KIZ: variants seen among roughly 807,000 people sequenced by gnomAD.
KIZ encodes kizuna centrosomal protein, also known as centrosomal protein kizuna.
Under a neutral mutation model 79.6 loss-of-function variants are expected in KIZ, and 68 were observed. That is an observed-to-expected ratio of 0.85 (90% CI 0.70 to 1.05). KIZ has a LOEUF of 1.05. Ranked by LOEUF, KIZ falls within the 50% of genes least tolerant of loss-of-function variation. The pLI, the probability that KIZ is intolerant of heterozygous loss-of-function variation, is 0.00. For synonymous variants in KIZ, 280 were observed against 281.8 expected (o/e 0.99, Z 0.06); for missense variants, 797 against 800.4 (o/e 1.00, Z 0.05).
At chr20:21,166,017 A>G (rs976520386) in intron 6 of KIZ, among the ~76,000 whole-genome samples, 3 of 152,074 alleles carry the variant, frequency 2.0e-5, no homozygotes, top group African/African-American at 7.2e-5. Context: ...CCCAGGCTGG[A>G]GTGCAATGGC....
chr20:21,135,325 C>T (rs936209716), intron 2 of KIZ, among the ~76,000 whole-genome samples: 3 of 152,098 alleles, frequency 2.0e-5, no homozygotes, highest in Non-Finnish European at 2.9e-5. Flanking sequence ...TGAGTGTGAA[C>T]GACAGTATGT....
intron 6 of KIZ, among the ~76,000 whole-genome samples, chr20:21,178,011 G>A (rs1479203323): frequency 2.0e-5 from 3 of 152,052 alleles, no homozygotes; most frequent in Non-Finnish European, 4.4e-5. Context: ...ATCAGGACGT[G>A]TGATGCCTCC....
intron 10 of KIZ, among the ~76,000 whole-genome samples, chr20:21,229,510 T>C (rs1473130786): frequency 6.6e-6 from 1 of 152,252 alleles, no homozygotes; most frequent in Non-Finnish European, 1.5e-5. Flanking sequence ...GATTTTGAGT[T>C]CTTTTACTGA....
At chr20:21,125,980 C>A (rs1280872215), upstream of KIZ, 5 of 1,273,878 alleles carry the variant, frequency 3.9e-6, no homozygotes, top group African/African-American at 3.1e-5. Flanking sequence ...GCCCCGCCCC[C>A]ACGGCGTCTT....
intron 9 of KIZ, among the ~76,000 whole-genome samples, chr20:21,218,871 A>G (rs1368802838): frequency 6.6e-6 from 1 of 152,208 alleles, no homozygotes; most frequent in Non-Finnish European, 1.5e-5. Flanking sequence ...AACTACACCC[A>G]GATGTTATGA....
At chr20:21,239,972 A>G (rs2037160501) in intron 11 of KIZ, among the ~76,000 whole-genome samples, 1 of 152,208 alleles carries the variant, frequency 6.6e-6, no homozygotes, top group South Asian at 2.1e-4. Context: ...GAGAGATGTG[A>G]TGAAGTCAGT....
chr20:21,236,410 T>C (rs527578597), intron 11 of KIZ, among the ~76,000 whole-genome samples: 68 of 152,380 alleles, frequency 4.5e-4, no homozygotes, highest in African/African-American at 1.6e-3. Flanking sequence ...TTAGAAATTG[T>C]AATACTGATT....
At chr20:21,184,098 G>T (rs1013778860) in intron 6 of KIZ, among the ~76,000 whole-genome samples, 2 of 151,786 alleles carry the variant, frequency 1.3e-5, no homozygotes, top group African/African-American at 4.8e-5. Flanking sequence ...TCTGTTAATG[G>T]TTGCCAGGTG....
intron 11 of KIZ, among the ~76,000 whole-genome samples, chr20:21,243,812 C>T (rs1213671112): frequency 6.6e-6 from 1 of 152,190 alleles, no homozygotes; most frequent in Non-Finnish European, 1.5e-5. Context: ...TTTTAACTTC[C>T]TTACCAACAT....
chr20:21,204,216 C>T (rs1004270405), intron 6 of KIZ, among the ~76,000 whole-genome samples: 4 of 145,370 alleles, frequency 2.8e-5, no homozygotes, highest in African/African-American at 1.0e-4. Flanking sequence ...CCCAGGTTCA[C>T]GCCATTCTCC....
intron 2 of KIZ, among the ~76,000 whole-genome samples, chr20:21,135,703 G>A (rs2032147629): frequency 6.6e-6 from 1 of 152,226 alleles, no homozygotes; most frequent in South Asian, 2.1e-4. Context: ...TTGGTGCCAT[G>A]AGAAAAGTCG....
intron 11 of KIZ, among the ~76,000 whole-genome samples, chr20:21,241,185 T>C (rs574868807): frequency 2.5e-4 from 38 of 152,334 alleles, no homozygotes; most frequent in African/African-American, 8.2e-4. Context: ...CAGCACACAA[T>C]AGAAAGTTCT....
chr20:21,223,281 GT>G (rs1330066680), intron 9 of KIZ, among the ~76,000 whole-genome samples: 1 of 152,208 alleles, frequency 6.6e-6, no homozygotes. Context: ...TTTTGGGAAT[GT>G]TGGTTAAAGG....
In KIZ at chr20:21,163,147, C is replaced by G; in HGVS notation, c.1340C>G (p.Ala447Gly). The G allele has an allele frequency of 6.2e-7, 1 of 1,607,934 alleles. No individual in the cohort carries two copies. The highest frequency in any genetic ancestry group is 8.5e-7 in the Non-Finnish European group (1 of 1,177,222). ...PDSEKESSTN[A>G]PTREPGQTPD... is the part of the protein sequence containing the mutation. Reference sequence around the variant, plus strand: ...TCAGAAAAGGAATCCTCCACTAACGCACCAACAAGAGAGTAAGCCATTCAA... The same window carrying G: ...TCAGAAAAGGAATCCTCCACTAACGGACCAACAAGAGAGTAAGCCATTCAA... Residue 447 changes from alanine to glycine, a missense_variant, in exon 6 of 13, where the codon GCA (alanine) becomes GGA (glycine). Ala to Gly is a moderately conservative substitution (Grantham distance 60, BLOSUM62 0). Coordinates refer to ENST00000619189, the MANE Select transcript of KIZ (RefSeq NM_018474.6).
At chr20:21,129,800 G>A (rs1205054614) in intron 1 of KIZ, among the ~76,000 whole-genome samples, 3 of 151,772 alleles carry the variant, frequency 2.0e-5, no homozygotes, top group Non-Finnish European at 2.9e-5. Flanking sequence ...AAAAAGTTGC[G>A]AATATAGGAC....
At chr20:21,173,033 A>G (rs1318327954) in intron 6 of KIZ, among the ~76,000 whole-genome samples, 1 of 152,182 alleles carries the variant, frequency 6.6e-6, no homozygotes, top group African/African-American at 2.4e-5. Flanking sequence ...AGCTGGAGTG[A>G]GAGAGTATCA....
intron 6 of KIZ, among the ~76,000 whole-genome samples, chr20:21,183,398 G>C (rs1009573302): frequency 1.3e-5 from 2 of 152,192 alleles, no homozygotes; most frequent in Non-Finnish European, 2.9e-5. Flanking sequence ...TCATATCTCA[G>C]TAGAGCAGTT....
Position 21,238,350 on chromosome 20 carries a change from A to AGTGTGTGTGT in KIZ, c.1880+5521_1880+5522insTGTGTGTGTG, listed in dbSNP as rs1423366763. 9.0e-3 allele frequency among the ~76,000 whole-genome samples: 713 copies of AGTGTGTGTGT among 79,392 alleles called. 9 individuals are homozygous for AGTGTGTGTGT. Among genetic ancestry groups the AGTGTGTGTGT allele is most frequent in the African/African-American group, 0.023 (691 of 29,780 alleles). The allele number at this position is 79,392 out of a possible 152,430, so 52.1% of individuals were successfully genotyped here. On this transcript the variant is annotated intron_variant, in intron 11 of 12. Transcript: ENST00000619189. ...ATAAGGGTGTGAGAGAGAGAGAGAG[A>AGTGTGTGTGT]GAGTGTGTGTGTGTGTGAGAGGGTG...
intron 6 of KIZ, among the ~76,000 whole-genome samples, chr20:21,202,028 CAATT>C (rs1431885069): frequency 6.6e-6 from 1 of 152,128 alleles, no homozygotes; most frequent in Non-Finnish European, 1.5e-5. Flanking sequence ...TTGGGCAAGT[CAATT>C]AATCAATTTT....
Sources: allele counts gnomAD v4.1 joint callset (sites outside exome capture counted in the v4.1 genomes callset), GRCh38; gene constraint gnomAD v4.1.1; transcripts MANE v1.5; gene names NCBI Gene and HGNC (gene_info 2026-07-23, HGNC 2026-07-21).